The following NDST4 variants were observed in gnomAD, a reference collection of about 807,000 sequenced individuals.
NDST4 encodes the protein N-heparan sulfate sulfotransferase 4.
Under a neutral mutation model 100.8 loss-of-function variants are expected in NDST4, and 63 were observed. That is an observed-to-expected ratio of 0.62 (90% CI 0.51 to 0.77). NDST4 has a LOEUF of 0.77. NDST4 is among the 30% of genes least tolerant of loss of function. NDST4 has a pLI of 0.00. For missense variants in NDST4, 943 were observed against 1,018.4 expected (o/e 0.93, Z 1.01); for synonymous variants, 377 against 361.8 (o/e 1.04, Z -0.48).
chr4:114,852,019 TTTAA>T (rs1401643950), intron 8 of NDST4, among the ~76,000 whole-genome samples: 5 of 152,284 alleles, frequency 3.3e-5, no homozygotes, highest in East Asian at 3.9e-4. Flanking sequence ...TCAATAAAAC[TTTAA>T]TTAATCAGGA....
intron 1 of NDST4, among the ~76,000 whole-genome samples, chr4:115,084,769 G>T (rs760995890): frequency 6.6e-6 from 1 of 152,188 alleles, no homozygotes; most frequent in Non-Finnish European, 1.5e-5. Flanking sequence ...TAATTCAGAG[G>T]ATGTATGGAA....
chr4:114,886,911 G>A (rs1578366173), intron 6 of NDST4, among the ~76,000 whole-genome samples: 1 of 152,122 alleles, frequency 6.6e-6, no homozygotes. Flanking sequence ...GCAAACAAAG[G>A]AACTCACAGG....
chr4:114,898,897 A>G (rs1724773373), intron 6 of NDST4, among the ~76,000 whole-genome samples: 1 of 151,944 alleles, frequency 6.6e-6, no homozygotes, highest in South Asian at 2.1e-4. Flanking sequence ...ATATTCACTT[A>G]TTATTTCCAG....
At position 114,829,940 on chromosome 4, in the gene NDST4, A is replaced by C. The variant is rs114128831; in HGVS notation, c.2397-48T>G. 2,340 of 1,324,020 alleles carry C rather than the reference A, an allele frequency of 1.8e-3. 34 individuals carry two copies. In the African/African-American group the frequency reaches 0.03, roughly 17 times the overall value. 82.0% of individuals were successfully genotyped at this position (1,324,020 alleles called of 1,614,324 possible). A position where few individuals can be genotyped will look rare whatever the true frequency, so the allele number is the denominator to read the frequency against. Reference sequence around the variant, plus strand: ...ATTACAAATTGTATGCAGAATTTTCAGTGAGACAGCCTCACCAATTGAATA... The same window carrying C: ...ATTACAAATTGTATGCAGAATTTTCCGTGAGACAGCCTCACCAATTGAATA... On this transcript the variant is annotated intron_variant, in intron 12 of 13. Coordinates refer to ENST00000264363, the MANE Select transcript of NDST4 (RefSeq NM_022569.3).
chr4:114,966,833 T>A (rs1188017266), intron 4 of NDST4, among the ~76,000 whole-genome samples: 1 of 152,136 alleles, frequency 6.6e-6, no homozygotes, highest in African/African-American at 2.4e-5. Context: ...AGTAGCATTA[T>A]CTGGTCCAGT....
chr4:114,927,241 T>C (rs1360160584), intron 6 of NDST4, among the ~76,000 whole-genome samples: 1 of 151,800 alleles, frequency 6.6e-6, no homozygotes, highest in Non-Finnish European at 1.5e-5. Flanking sequence ...TGTGTGTGTG[T>C]GTGTTTTACA....
At chr4:114,959,735 A>G (rs1004967087) in intron 4 of NDST4, among the ~76,000 whole-genome samples, 32 of 152,170 alleles carry the variant, frequency 2.1e-4, no homozygotes, top group African/African-American at 7.7e-4. Context: ...TTATGCAACT[A>G]AAGAATAAAG....
chr4:114,885,307 C>A (rs1724454751), intron 6 of NDST4, among the ~76,000 whole-genome samples: 1 of 152,104 alleles, frequency 6.6e-6, no homozygotes, highest in African/African-American at 2.4e-5. Context: ...TGCTGACAGT[C>A]TACCATTACA....
At chr4:114,959,815 A>G (rs1185716298) in intron 4 of NDST4, among the ~76,000 whole-genome samples, 1 of 152,214 alleles carries the variant, frequency 6.6e-6, no homozygotes. Context: ...ATGTACCAAT[A>G]TATGTCAGAT....
chr4:114,919,293 G>C (rs575053161), intron 6 of NDST4, among the ~76,000 whole-genome samples: 1 of 152,226 alleles, frequency 6.6e-6, no homozygotes, highest in East Asian at 1.9e-4. Flanking sequence ...AAGTAGGGAA[G>C]GGAGACAGAT....
intron 4 of NDST4, among the ~76,000 whole-genome samples, chr4:114,950,413 A>G (rs1725964896): frequency 2.0e-5 from 3 of 152,098 alleles, no homozygotes; most frequent in African/African-American, 7.2e-5. Context: ...ACTACTGTTC[A>G]TCATTATGAT....
At chr4:115,063,037 G>C (rs548860238) in intron 2 of NDST4, among the ~76,000 whole-genome samples, 1 of 152,056 alleles carries the variant, frequency 6.6e-6, no homozygotes, top group South Asian at 2.1e-4. Context: ...TTGAAATTCA[G>C]GATATGTGTT....
chr4:115,088,351 A>G (rs1407126124), intron 1 of NDST4, among the ~76,000 whole-genome samples: 1 of 148,078 alleles, frequency 6.8e-6, no homozygotes, highest in Non-Finnish European at 1.5e-5. Context: ...CCTATTTTCT[A>G]GAACTTCAGC....
chr4:114,866,008 T>C (rs1560785509), intron 7 of NDST4, among the ~76,000 whole-genome samples: 3 of 152,108 alleles, frequency 2.0e-5, no homozygotes, highest in African/African-American at 4.8e-5. Flanking sequence ...TAGGAAAAAA[T>C]ATTTAAGATA....
chr4:114,988,733 AT>A (rs1302507480), intron 2 of NDST4, among the ~76,000 whole-genome samples: 1 of 152,118 alleles, frequency 6.6e-6, no homozygotes, highest in Non-Finnish European at 1.5e-5. Flanking sequence ...GTCAGTTTAT[AT>A]ACATTTGAGG....
At chr4:115,060,203 T>G (rs540599174) in intron 2 of NDST4, among the ~76,000 whole-genome samples, 1 of 152,134 alleles carries the variant, frequency 6.6e-6, no homozygotes, top group East Asian at 1.9e-4. Flanking sequence ...CTACAAAAGT[T>G]GCTAGGTATT....
intron 2 of NDST4, among the ~76,000 whole-genome samples, chr4:114,991,648 CAAT>C (rs1403444575): frequency 6.6e-6 from 1 of 151,862 alleles, no homozygotes; most frequent in Non-Finnish European, 1.5e-5. Context: ...AGCGAAATCT[CAAT>C]AATATCAAAA....
Position 115,006,092 on chromosome 4 carries a change from A to T in NDST4, c.979-28818T>A, listed in dbSNP as rs540213078. 2.0e-5 allele frequency among the ~76,000 whole-genome samples: 3 copies of T among 150,464 alleles called. No homozygotes were observed. In the South Asian group the frequency reaches 6.2e-4, roughly 31 times the overall value. On this transcript the variant is annotated intron_variant, in intron 2 of 13. Coordinates refer to ENST00000264363, the MANE Select transcript of NDST4 (RefSeq NM_022569.3). ...GATAGAAAAAAGAGAGAGAAAAGAAATAAAGAAAGAAAGAGAAAGAAAAAA... is the reference window on the plus strand; with the variant it reads ...GATAGAAAAAAGAGAGAGAAAAGAATTAAAGAAAGAAAGAGAAAGAAAAAA...
At chr4:115,097,947 C>T (rs1356463996) in intron 1 of NDST4, among the ~76,000 whole-genome samples, 1 of 152,166 alleles carries the variant, frequency 6.6e-6, no homozygotes. Flanking sequence ...TGGCAGATGT[C>T]CTCATTTCTT....
Sources: allele counts gnomAD v4.1 joint callset (sites outside exome capture counted in the v4.1 genomes callset), GRCh38; gene constraint gnomAD v4.1.1; transcripts MANE v1.5; gene names NCBI Gene and HGNC (gene_info 2026-07-23, HGNC 2026-07-21).